TBC1D2B: variants seen among roughly 807,000 people sequenced by gnomAD.
TBC1D2B encodes the protein TBC1 domain family, member 2B.
A neutral mutation model predicts 100.8 loss-of-function variants in TBC1D2B; 64 were observed. The observed-to-expected ratio is 0.64, with a 90% CI of 0.52 to 0.78. The LOEUF (loss-of-function observed/expected upper bound fraction) is 0.78, where lower values mean the gene tolerates loss of function less well. TBC1D2B is among the 30% of genes least tolerant of loss of function. The pLI is 0.00. For synonymous variants in TBC1D2B, 480 were observed against 479.7 expected, an observed-to-expected ratio of 1.00 and a Z score of -0.01; for missense variants, 1,052 against 1,218.4, an observed-to-expected ratio of 0.86 and a Z score of 2.03.
At chr15:78,018,167 G>A (rs1169674059) in intron 6 of TBC1D2B, among the ~76,000 whole-genome samples, 3 of 152,198 alleles carry the variant, frequency 2.0e-5, no homozygotes, top group Non-Finnish European at 4.4e-5. Flanking sequence ...CATGACTGCC[G>A]TAACGGAGAT....
chr15:78,047,960 T>G lies in TBC1D2B; in HGVS notation c.515-2892A>C, dbSNP rs775962186. ...AAGTCAGGAAATAAACACAACAAAC[T>G]GTACAGATTTCTGTTACAGGCTGAG... is the stretch of plus-strand genomic sequence containing the variant. On this transcript the variant is annotated intron_variant, in intron 2 of 12. Transcript: ENST00000300584. 8.1e-4 allele frequency among the ~76,000 whole-genome samples: 124 copies of G among 152,328 alleles called. 1 individual carries two copies. The highest frequency in any genetic ancestry group is 3.4e-3 in the Middle Eastern group (1 of 294).
In TBC1D2B at chr15:78,001,652, A is replaced by T; in HGVS notation, c.2663T>A (p.Leu888His). ...AAGGATAGTGCGAGTGAAGTAGCGG[A>T]GATACTTAAATATAGACATCGAATC... The part of the protein sequence containing the change: ...LQDSMSIFKY[L>H]RYFTRTILDA... The change falls in exon 12 of 13, where the codon CTC becomes CAC. Residue 888 changes from leucine to histidine, a missense_variant. Around this residue, in one of 4 missense-constraint regions of TBC1D2B, gnomAD observed 373 missense variants for 464.9 expected, o/e 0.80. Coordinates refer to ENST00000300584, the MANE Select transcript of TBC1D2B (RefSeq NM_144572.2). The T allele has an allele frequency of 4.4e-6, 7 of 1,608,866 alleles. No homozygotes were observed. Among genetic ancestry groups the T allele is most frequent in the Non-Finnish European group, 5.9e-6 (7 of 1,177,558 alleles).
Position 78,076,583 on chromosome 15 carries a change from A to G in TBC1D2B, c.360+710T>C, listed in dbSNP as rs200431120. On this transcript the variant is annotated intron_variant, in intron 1 of 12. Transcript: ENST00000300584. ...AACATAGTGAGACCCCCGTTTCTTT[A>G]AAAAAAAAAAAAAATTTAATTAGCC... Among the ~76,000 whole-genome samples the G allele has an allele frequency of 7.9e-5, 4 of 50,384 alleles. No homozygotes were observed. In the Admixed American group the frequency reaches 9.3e-4, roughly 12 times the overall value. The allele number at this position is 50,384 out of a possible 152,430, so 33.1% of individuals were successfully genotyped here.
At chr15:78,041,877 G>C (rs897198673) in intron 3 of TBC1D2B, among the ~76,000 whole-genome samples, 5 of 152,318 alleles carry the variant, frequency 3.3e-5, no homozygotes, top group Admixed American at 3.3e-4. Context: ...GCCAGGGACT[G>C]TTCTAAGCAG....
chr15:78,066,426 G>C (rs2073658905), intron 1 of TBC1D2B, among the ~76,000 whole-genome samples: 1 of 152,180 alleles, frequency 6.6e-6, no homozygotes, highest in Admixed American at 6.5e-5. Context: ...GAGGAGAGCA[G>C]TGTTTCACAG....
intron 3 of TBC1D2B, among the ~76,000 whole-genome samples, chr15:78,037,640 G>A (rs1259760657): frequency 6.6e-6 from 1 of 151,342 alleles, no homozygotes. Context: ...AGCAGGGTGG[G>A]AGGGAGGGCC....
intron 3 of TBC1D2B, among the ~76,000 whole-genome samples, chr15:78,036,736 A>G (rs1441534675): frequency 6.6e-6 from 1 of 152,226 alleles, no homozygotes; most frequent in Non-Finnish European, 1.5e-5. Context: ...TGCTGTTTTA[A>G]GCCACCAGTG....
chr15:78,006,797 A>G (rs1475607672), intron 10 of TBC1D2B, among the ~76,000 whole-genome samples: 1 of 152,132 alleles, frequency 6.6e-6, no homozygotes, highest in African/African-American at 2.4e-5. Context: ...GTAAATGCCA[A>G]CTCTCTTTCC....
intron 3 of TBC1D2B, among the ~76,000 whole-genome samples, chr15:78,033,214 G>A (rs1051956216): frequency 2.0e-5 from 3 of 152,218 alleles, no homozygotes; most frequent in Middle Eastern, 3.4e-3. Context: ...TTGAGCAGTC[G>A]GTAAGTGGAG....
chr15:78,057,356 A>G (rs1029755713), intron 1 of TBC1D2B, among the ~76,000 whole-genome samples: 4 of 152,130 alleles, frequency 2.6e-5, no homozygotes, highest in Non-Finnish European at 5.9e-5. Flanking sequence ...AAAAAAACCT[A>G]AACAGGCTGC....
rs767682985 is a variant in TBC1D2B, at chr15:78,003,484, G to A, written c.2395C>T (p.Gln799Ter). The change falls in exon 11 of 13, where the codon CAG (glutamine) becomes TAG (stop). Residue 799 changes from glutamine (Q) to a stop codon, truncating the protein, a stop_gained. Coordinates refer to ENST00000300584, the MANE Select transcript of TBC1D2B (RefSeq NM_144572.2). LOFTEE classifies it high-confidence loss of function. ...CTCATAAGGTCTCTGAACACCCGCT[G>A]GTCCACCTGGAGAGGGAACAAAGGG... ...TKTLLGSQVD[Q>*]RVFRDLMSEK... The A allele has an allele frequency of 6.2e-7, 1 of 1,607,120 alleles. No homozygotes were observed. Among genetic ancestry groups the A allele is most frequent in the Non-Finnish European group, 8.5e-7 (1 of 1,174,128 alleles).
At chr15:78,014,617 G>A (rs991504999) in intron 8 of TBC1D2B, among the ~76,000 whole-genome samples, 6 of 152,166 alleles carry the variant, frequency 3.9e-5, no homozygotes, top group Non-Finnish European at 7.3e-5. Flanking sequence ...ATGCTCAGTC[G>A]TGTGCATTTG....
At chr15:78,011,146 A>C (rs915968639) in intron 9 of TBC1D2B, among the ~76,000 whole-genome samples, 3 of 152,226 alleles carry the variant, frequency 2.0e-5, no homozygotes, top group Non-Finnish European at 2.9e-5. Context: ...AGGAGTAGCT[A>C]TAGTCCCTTT....
intron 3 of TBC1D2B, among the ~76,000 whole-genome samples, chr15:78,036,596 G>A (rs2072951692): frequency 6.6e-6 from 1 of 152,204 alleles, no homozygotes; most frequent in Non-Finnish European, 1.5e-5. Flanking sequence ...GCCACCAGAA[G>A]CTGAAGGAGG....
chr15:78,016,984 A>C (rs2072393659), intron 7 of TBC1D2B: 6 of 420,640 alleles, frequency 1.4e-5, no homozygotes, highest in Non-Finnish European at 2.1e-5. Context: ...ATGCCAACAA[A>C]TGCATCACCT....
chr15:78,071,768 T>C (rs1297212883), intron 1 of TBC1D2B, among the ~76,000 whole-genome samples: 1 of 152,206 alleles, frequency 6.6e-6, no homozygotes, highest in African/African-American at 2.4e-5. Context: ...CCATTTTCTA[T>C]TCATTCATGC....
In TBC1D2B at chr15:78,024,259, T is replaced by C. The variant is rs773899549; in HGVS notation, c.1367A>G (p.Lys456Arg). Residue 456 changes from lysine (K) to arginine (R), a missense_variant, in exon 6 of 13, where the codon AAG becomes AGG. By Grantham distance (26) the Lys-to-Arg change is conservative. Transcript: ENST00000300584. ...CCCGTTGCCCTCGCCCTCGCTGAGC[T>C]TGATGATGACCTCGTCCTTGGCTTG... ...TIQAKDEVII[K>R]LSEGEGNGPP... 3.5e-5 allele frequency: 57 copies of C among 1,613,912 alleles called. No homozygotes were observed. The highest frequency in any genetic ancestry group is 2.4e-5 in the Non-Finnish European group (28 of 1,179,904).
At chr15:78,018,823 A>G (rs1024713090) in intron 6 of TBC1D2B, among the ~76,000 whole-genome samples, 1 of 152,208 alleles carries the variant, frequency 6.6e-6, no homozygotes, top group Non-Finnish European at 1.5e-5. Flanking sequence ...AGACTTTCCT[A>G]ATAATAAAAA....
chr15:78,058,867 G>GC (rs1416028758), intron 1 of TBC1D2B, among the ~76,000 whole-genome samples: 1 of 152,230 alleles, frequency 6.6e-6, no homozygotes, highest in East Asian at 1.9e-4. Context: ...CAAGCACCCA[G>GC]CAAGAAGCCA....
Sources: gnomAD v4.1 joint callset for allele counts (sites outside exome capture counted in the v4.1 genomes callset) on GRCh38, gnomAD v4.1.1 for gene constraint, gnomAD v4.1.1 regional missense constraint, MANE v1.5 for transcripts, NCBI Gene and HGNC (gene_info 2026-07-23, HGNC 2026-07-21) for gene names.